The following ZNF708 variants were observed in gnomAD, a reference collection of about 807,000 sequenced individuals.
ZNF708 encodes the protein zinc finger protein 708.
Under a neutral mutation model 47.0 loss-of-function variants are expected in ZNF708, and 44 were observed. That is an observed-to-expected ratio of 0.94 (90% CI 0.74 to 1.20). The LOEUF (loss-of-function observed/expected upper bound fraction) is 1.20, where lower values mean the gene tolerates loss of function less well. Ranked by LOEUF, ZNF708 falls within the 50% of genes most tolerant of loss-of-function variation. The pLI is 0.00. For synonymous variants in ZNF708, 184 were observed against 218.5 expected, an observed-to-expected ratio of 0.84 and a Z score of 1.39; for missense variants, 557 against 656.0, an observed-to-expected ratio of 0.85 and a Z score of 1.65.
Position 21,293,424 on chromosome 19 carries a change from G to C in ZNF708, c.1542C>G (p.Asn514Lys). ...TATGTTTCATAAGGGTTGAGGACTGGTTAAAAGCTTTGCCACATTCTTTAC... is the reference window on the plus strand; with the variant it reads ...TATGTTTCATAAGGGTTGAGGACTGCTTAAAAGCTTTGCCACATTCTTTAC... ...YKCKECGKAF[N>K]QSSTLMKHKI... The change falls in exon 4 of 4, where the codon AAC (asparagine) becomes AAG (lysine). Residue 514 changes from asparagine to lysine, a missense_variant. Asn to Lys is a moderately conservative substitution (Grantham distance 94). Transcript: ENST00000356929. 6.2e-7 allele frequency: 1 copy of C among 1,612,748 alleles called. No homozygotes were observed. Among genetic ancestry groups the C allele is most frequent in the Admixed American group, 1.7e-5 (1 of 59,912 alleles).
chr19:21,294,377 T>G lies in ZNF708; in HGVS notation c.589A>C (p.Lys197Gln). ...EIIHTGEKPY[K>Q]CEECGKAFKK... ...AAAGCTTTGCCACATTCTTCACATT[T>G]GTAGGGTTTTTCTCCAGTATGAATT... Residue 197 changes from lysine (K) to glutamine (Q), a missense_variant, in exon 4 of 4, where the codon AAA (lysine) becomes CAA (glutamine). By Grantham distance (53) the Lys-to-Gln change is moderately conservative. Transcript: ENST00000356929. 2 of 1,614,086 alleles carry G rather than the reference T, an allele frequency of 1.2e-6. No individual in the cohort carries two copies. The highest frequency in any genetic ancestry group is 2.7e-5 in the African/African-American group (2 of 75,084).
In ZNF708 at chr19:21,292,573, A is replaced by T. The variant is rs1972417097; in HGVS notation, c.*701T>A. The T allele has an allele frequency of 6.6e-6, 1 of 152,222 alleles. No homozygotes were observed. The highest frequency in any genetic ancestry group is 1.5e-5 in the Non-Finnish European group (1 of 68,058). 9.4% of individuals were successfully genotyped at this position (152,222 alleles called of 1,614,324 possible). A position where few individuals can be genotyped will look rare whatever the true frequency, so the allele number is the denominator to read the frequency against. On this transcript the variant is annotated 3_prime_UTR_variant, in exon 4 of 4. Coordinates refer to ENST00000356929, the MANE Select transcript of ZNF708 (RefSeq NM_021269.3). ...ACTGCTTCAGGGTTTTCTCTAGTAC[A>T]AAATGTGTACAATAAGATCTGTGAT...
At chr19:21,298,081 A>C (rs1042111809) in intron 3 of ZNF708, among the ~76,000 whole-genome samples, 3 of 152,100 alleles carry the variant, frequency 2.0e-5, no homozygotes, top group Non-Finnish European at 4.4e-5. Flanking sequence ...GAGCAATATA[A>C]TTATAGTAGA....
At position 21,294,520 on chromosome 19, in the gene ZNF708, A is replaced by G. The variant is rs766497907; in HGVS notation, c.446T>C (p.Phe149Ser). ...IVQCDKYVKV[F>S]HKYSNAKRHK... The stretch of plus-strand genomic sequence containing the variant: ...TCTCTTTGCATTTGAATATTTATGA[A>G]AGACTTTCACGTATTTGTCACACTG... Residue 149 changes from phenylalanine (F) to serine (S), a missense_variant, in exon 4 of 4, where the codon TTT becomes TCT. Coordinates refer to ENST00000356929, the MANE Select transcript of ZNF708 (RefSeq NM_021269.3). 1 of 1,614,156 alleles carries G rather than the reference A, an allele frequency of 6.2e-7. No homozygotes were observed. Among genetic ancestry groups the G allele is most frequent in the Non-Finnish European group, 8.5e-7 (1 of 1,180,026 alleles).
intron 3 of ZNF708, among the ~76,000 whole-genome samples, chr19:21,303,316 G>A (rs1180929154): frequency 6.6e-6 from 1 of 152,176 alleles, no homozygotes; most frequent in Non-Finnish European, 1.5e-5. Flanking sequence ...ATTTTGGGAG[G>A]CCAAGGTGGG....
intron 3 of ZNF708, among the ~76,000 whole-genome samples, chr19:21,301,874 C>A (rs1168111982): frequency 6.6e-6 from 1 of 152,010 alleles, no homozygotes; most frequent in Non-Finnish European, 1.5e-5. Context: ...AATACTTGAT[C>A]CAAAATTATT....
chr19:21,297,272 T>A lies in ZNF708; in HGVS notation c.227-2533A>T, dbSNP rs2928191. Among the ~76,000 whole-genome samples the A allele has an allele frequency of 4.3e-3, 138 of 32,386 alleles. 1 individual carries two copies. Among genetic ancestry groups the A allele is most frequent in the African/African-American group, 8.3e-3 (53 of 6,418 alleles). The allele number at this position is 32,386 out of a possible 152,430, so 21.2% of individuals were successfully genotyped here. On this transcript the variant is annotated intron_variant, in intron 3 of 3. Coordinates refer to ENST00000356929, the MANE Select transcript of ZNF708 (RefSeq NM_021269.3). ...TATATATATATATATATATATATATTTTTTTTTTTTTTTTTTTTTTTTTTT... is the reference window on the plus strand; with the variant it reads ...TATATATATATATATATATATATATATTTTTTTTTTTTTTTTTTTTTTTTT...
rs367802908 is a variant in ZNF708 at position 21,319,608 on chromosome 19, G to A, written c.4-8981C>T. 2.1e-3 allele frequency among the ~76,000 whole-genome samples: 320 copies of A among 152,002 alleles called. 1 individual carries two copies. Among genetic ancestry groups the A allele is most frequent in the South Asian group, 0.014 (65 of 4,810 alleles). On this transcript the variant is annotated intron_variant, in intron 1 of 3. Coordinates refer to ENST00000356929, the MANE Select transcript of ZNF708 (RefSeq NM_021269.3). Reference sequence around the variant, plus strand: ...TGGGATTACAGGTATGAGCCACCACGCCCAGCTAATTTTGTATTTTTAGTA... The same window carrying A: ...TGGGATTACAGGTATGAGCCACCACACCCAGCTAATTTTGTATTTTTAGTA...
rs758811099 is a variant in ZNF708, at chr19:21,293,342, T to A, written c.1624A>T (p.Asn542Tyr). 3.1e-6 allele frequency: 5 copies of A among 1,613,374 alleles called. No homozygotes were observed. The East Asian group carries it at 1.1e-4, about 36-fold the overall frequency. Residue 542 changes from asparagine to tyrosine, a missense_variant, in exon 4 of 4, where the codon AAC (asparagine) becomes TAC (tyrosine). Coordinates refer to ENST00000356929, the MANE Select transcript of ZNF708 (RefSeq NM_021269.3). The stretch of plus-strand genomic sequence containing the variant: ...TGTTTAGTAAGGTTTGGGGACTGGT[T>A]AAAGGCTTTGCCACATTCTTCACAT... ...YKCEECGKAF[N>Y]QSPNLTKHKR...
Position 21,293,353 on chromosome 19 carries a change from C to G in ZNF708, c.1613G>C (p.Gly538Ala), listed in dbSNP as rs1459613937. The G allele has an allele frequency of 2.5e-6, 4 of 1,613,322 alleles. No homozygotes were observed. The highest frequency in any genetic ancestry group is 3.4e-6 in the Non-Finnish European group (4 of 1,179,718). Residue 538 changes from glycine (G) to alanine (A), a missense_variant, in exon 4 of 4, where the codon GGC becomes GCC. By Grantham distance (60) the Gly-to-Ala change is moderately conservative. Coordinates refer to ENST00000356929, the MANE Select transcript of ZNF708 (RefSeq NM_021269.3). ...GTTTGGGGACTGGTTAAAGGCTTTG[C>G]CACATTCTTCACATTTGTAGGGTTT... is the stretch of plus-strand genomic sequence containing the variant. ...GEKPYKCEEC[G>A]KAFNQSPNLT...
chr19:21,328,916 A>G (rs2928201), intron 1 of ZNF708, among the ~76,000 whole-genome samples: 12 of 152,196 alleles, frequency 7.9e-5, no homozygotes, highest in African/African-American at 2.6e-4. Flanking sequence ...CCACCCTCCC[A>G]TGGTCCCTGC....
At chr19:21,297,412 A>C (rs982353367) in intron 3 of ZNF708, among the ~76,000 whole-genome samples, 2 of 149,460 alleles carry the variant, frequency 1.3e-5, no homozygotes. Context: ...TACTACATTA[A>C]AATTGTTTTA....
intron 1 of ZNF708, among the ~76,000 whole-genome samples, chr19:21,324,046 T>C (rs1973206362): frequency 6.7e-6 from 1 of 148,646 alleles, no homozygotes; most frequent in Non-Finnish European, 1.5e-5. Flanking sequence ...AAGACCATCC[T>C]GGCTAACATG....
chr19:21,301,374 G>A (rs1335871813), intron 3 of ZNF708, among the ~76,000 whole-genome samples: 2 of 151,916 alleles, frequency 1.3e-5, no homozygotes, highest in African/African-American at 4.8e-5. Context: ...CAGCACTTAG[G>A]GAGGCCAAGG....
Position 21,294,103 on chromosome 19 carries a change from G to A in ZNF708, c.863C>T (p.Ala288Val), listed in dbSNP as rs1159991677. ...KPYKCEECGK[A>V]FKQSSNLTNH... ...AGTAAGGTTTGAGGACTGTTTAAAAGCTTTGCCACATTCTTCACATTTGTA... is the reference window on the plus strand; with the variant it reads ...AGTAAGGTTTGAGGACTGTTTAAAAACTTTGCCACATTCTTCACATTTGTA... The change falls in exon 4 of 4, where the codon GCT becomes GTT. Residue 288 changes from alanine (A) to valine (V), a missense_variant. Ala to Val is a moderately conservative substitution (Grantham distance 64, BLOSUM62 0). Coordinates refer to ENST00000356929, the MANE Select transcript of ZNF708 (RefSeq NM_021269.3). 4 of 1,613,310 alleles carry A rather than the reference G, an allele frequency of 2.5e-6. No homozygotes were observed. The highest frequency in any genetic ancestry group is 3.4e-6 in the Non-Finnish European group (4 of 1,179,878).
chr19:21,293,528 C>G lies in ZNF708; in HGVS notation c.1438G>C (p.Glu480Gln), dbSNP rs531623115. The G allele has an allele frequency of 6.2e-7, 1 of 1,612,968 alleles. No homozygotes were observed. The highest frequency in any genetic ancestry group is 1.1e-5 in the South Asian group (1 of 90,980). ...GACAGAATAAAGCTTTTGCCACATTCTTCACACTTATAGGGTTTCTCTCCA... is the reference window on the plus strand; with the variant it reads ...GACAGAATAAAGCTTTTGCCACATTGTTCACACTTATAGGGTTTCTCTCCA... The part of the protein sequence containing the change: ...HTGEKPYKCE[E>Q]CGKSFILSSH... The change falls in exon 4 of 4, where the codon GAA becomes CAA. Residue 480 changes from glutamate to glutamine, a missense_variant. Glu to Gln is a conservative substitution (Grantham distance 29, BLOSUM62 2). Transcript: ENST00000356929.
rs1267848143 is a variant in ZNF708, at chr19:21,310,488, A to T, written c.130+13T>A. 1 of 1,329,208 alleles carries T rather than the reference A, an allele frequency of 7.5e-7. No individual in the cohort carries two copies. The highest frequency in any genetic ancestry group is 1.5e-5 in the African/African-American group (1 of 65,046). 82.3% of individuals were successfully genotyped at this position (1,329,208 alleles called of 1,614,324 possible). On this transcript the variant is annotated intron_variant, in intron 2 of 3. Transcript: ENST00000356929. ...AAATAATAAAAATTAAAAAAAAAAA[A>T]ACTTATCCTCACCCAGGAATACCAG...
At chr19:21,329,022 C>G (rs960166690) in intron 1 of ZNF708, among the ~76,000 whole-genome samples, 188 bp downstream of exon 1, 1 of 152,234 alleles carries the variant, frequency 6.6e-6, no homozygotes, top group African/African-American at 2.4e-5. Flanking sequence ...GACAGGACGC[C>G]CGGGGGCCCG....
chr19:21,326,512 T>A (rs1973258391), intron 1 of ZNF708, among the ~76,000 whole-genome samples: 2 of 152,246 alleles, frequency 1.3e-5, no homozygotes, highest in South Asian at 2.1e-4. Context: ...GCTATAAGGA[T>A]GCAAAGGCAT....
Sources: allele counts gnomAD v4.1 joint callset (sites outside exome capture counted in the v4.1 genomes callset), GRCh38; gene constraint gnomAD v4.1.1; transcripts MANE v1.5; gene names NCBI Gene and HGNC (gene_info 2026-07-23, HGNC 2026-07-21).